The following PRR16 variants were observed in gnomAD, a reference collection of about 807,000 sequenced individuals.
PRR16 encodes the protein proline rich 16, also known as protein Largen.
In PRR16, 6 loss-of-function variants were observed where a neutral mutation model predicts 18.2. The ratio of observed to expected loss-of-function variants is 0.33; its 90% confidence interval spans 0.18 to 0.65. The LOEUF (loss-of-function observed/expected upper bound fraction) is 0.65, where lower values mean the gene tolerates loss of function less well. PRR16 is among the 30% of genes least tolerant of loss of function. The pLI, the probability that PRR16 is intolerant of heterozygous loss-of-function variation, is 0.74. For missense variants in PRR16, 412 were observed against 376.6 expected, an observed-to-expected ratio of 1.09 and a Z score of -0.78; for synonymous variants, 151 against 147.8, an observed-to-expected ratio of 1.02 and a Z score of -0.16.
intron 1 of PRR16, among the ~76,000 whole-genome samples, chr5:120,505,566 C>T (rs898803133): frequency 6.6e-6 from 1 of 152,074 alleles, no homozygotes; most frequent in African/African-American, 2.4e-5. Flanking sequence ...TCAGGCTATC[C>T]ATCACTGGAG....
intron 1 of PRR16, among the ~76,000 whole-genome samples, chr5:120,468,362 T>G (rs1254721202): frequency 6.6e-6 from 1 of 152,132 alleles, no homozygotes; most frequent in East Asian, 1.9e-4. Flanking sequence ...AAGGAAGATT[T>G]TGAATTCTTC....
chr5:120,552,873 A>G (rs1307014737), intron 1 of PRR16, among the ~76,000 whole-genome samples: 3 of 151,820 alleles, frequency 2.0e-5, no homozygotes, highest in African/African-American at 7.2e-5. Flanking sequence ...CATTCCCTGC[A>G]TGTTGATAGT....
In PRR16 at chr5:120,524,039, T is replaced by C. The variant is rs938279526; in HGVS notation, c.159+59394T>C. 2.6e-4 allele frequency among the ~76,000 whole-genome samples: 39 copies of C among 152,100 alleles called. 1 individual carries two copies. Among genetic ancestry groups the C allele is most frequent in the Non-Finnish European group, 1.5e-5 (1 of 68,002 alleles). ...AGCCAAACTAGAAAGAGAAAACTGC[T>C]CAGTTATATAACATTCATTGTTAGA... is the stretch of plus-strand genomic sequence containing the variant. On this transcript the variant is annotated intron_variant, in intron 1 of 1. Coordinates refer to ENST00000407149, the MANE Select transcript of PRR16 (RefSeq NM_001300783.2).
chr5:120,769,311 A>T, the PRR16 span, among the ~76,000 whole-genome samples: 2 of 151,806 alleles, frequency 1.3e-5, no homozygotes. Flanking sequence ...AGACGTATAC[A>T]ACACATGCCA....
rs184196365 is a variant in PRR16 at position 120,476,780 on chromosome 5, A to G, written c.159+12135A>G. On this transcript the variant is annotated intron_variant, in intron 1 of 1. Coordinates refer to ENST00000407149, the MANE Select transcript of PRR16 (RefSeq NM_001300783.2). ...AAGCCCTCTTCCCCTAAAAATTACT[A>G]TCTGATTTCTCAGTTCTTCTTTACA... is the stretch of plus-strand genomic sequence containing the variant. Among the ~76,000 whole-genome samples, 618 of 152,236 alleles carry G rather than the reference A, an allele frequency of 4.1e-3. 4 individuals carry two copies. Among genetic ancestry groups the G allele is most frequent in the South Asian group, 8.3e-3 (40 of 4,822 alleles).
chr5:120,752,628 T>C, the PRR16 span, among the ~76,000 whole-genome samples: 1 of 152,080 alleles, frequency 6.6e-6, no homozygotes, highest in Non-Finnish European at 1.5e-5. Flanking sequence ...TATTAACTTC[T>C]ATATTCCTAG....
the PRR16 span, among the ~76,000 whole-genome samples, chr5:120,793,216 G>A: frequency 6.6e-6 from 1 of 152,058 alleles, no homozygotes; most frequent in Admixed American, 6.6e-5. Flanking sequence ...AACCTTGTGG[G>A]ACCACCATTG....
At chr5:120,727,644 TAACA>T in the PRR16 span, among the ~76,000 whole-genome samples, 16 of 152,274 alleles carry the variant, frequency 1.1e-4, no homozygotes, top group Non-Finnish European at 1.5e-4. Context: ...GCAATGGATT[TAACA>T]AACAATGTGG....
intron 1 of PRR16, among the ~76,000 whole-genome samples, chr5:120,513,359 C>T (rs760530377): frequency 3.9e-5 from 6 of 152,182 alleles, no homozygotes; most frequent in Non-Finnish European, 5.9e-5. Flanking sequence ...TATCCTTTCA[C>T]TGAATTCCTG....
chr5:120,701,735 TAGAC>T, the PRR16 span, among the ~76,000 whole-genome samples: 2 of 151,864 alleles, frequency 1.3e-5, no homozygotes, highest in Non-Finnish European at 2.9e-5. Flanking sequence ...ACTGAGGGGA[TAGAC>T]AGGAGGGAAA....
the PRR16 span, among the ~76,000 whole-genome samples, chr5:120,739,507 C>T: frequency 6.6e-6 from 1 of 152,110 alleles, no homozygotes; most frequent in Non-Finnish European, 1.5e-5. Flanking sequence ...ATATAAAAAT[C>T]AGTCTTTTAG....
chr5:120,694,464 C>G, the PRR16 span, among the ~76,000 whole-genome samples: 1 of 152,008 alleles, frequency 6.6e-6, no homozygotes, highest in African/African-American at 2.4e-5. Flanking sequence ...GCGGGCGGAT[C>G]ACGAGGTCAG....
chr5:120,552,719 T>C (rs1580716833), intron 1 of PRR16, among the ~76,000 whole-genome samples: 1 of 152,044 alleles, frequency 6.6e-6, no homozygotes, highest in East Asian at 1.9e-4. Flanking sequence ...TTCCTGCAAT[T>C]TTCTAAGCTT....
At chr5:120,469,397 A>C (rs1421241694) in intron 1 of PRR16, among the ~76,000 whole-genome samples, 1 of 152,220 alleles carries the variant, frequency 6.6e-6, no homozygotes, top group Non-Finnish European at 1.5e-5. Context: ...ATCTTGGCTC[A>C]CTGCAGCCTC....
At chr5:120,468,589 G>C (rs1310797785) in intron 1 of PRR16, among the ~76,000 whole-genome samples, 3 of 152,152 alleles carry the variant, frequency 2.0e-5, no homozygotes, top group Non-Finnish European at 4.4e-5. Context: ...CAAAGCAATT[G>C]CTTTTTAAAA....
At chr5:120,526,731 A>T (rs150102092) in intron 1 of PRR16, among the ~76,000 whole-genome samples, 102 of 152,282 alleles carry the variant, frequency 6.7e-4, no homozygotes, top group Non-Finnish European at 1.3e-3. Flanking sequence ...AAGTAAAAAG[A>T]TGAAAGAATA....
At chr5:120,506,251 T>A (rs1410448241) in intron 1 of PRR16, among the ~76,000 whole-genome samples, 1 of 152,078 alleles carries the variant, frequency 6.6e-6, no homozygotes, top group African/African-American at 2.4e-5. Context: ...TAGGTATTCT[T>A]TATAACTTAT....
the PRR16 span, among the ~76,000 whole-genome samples, chr5:120,767,745 T>C: frequency 6.6e-6 from 1 of 151,682 alleles, no homozygotes; most frequent in Non-Finnish European, 1.5e-5. Context: ...GAAAGGCAAA[T>C]GAAAAAGCTA....
chr5:120,669,363 C>T (rs1440718338), intron 1 of PRR16, among the ~76,000 whole-genome samples: 1 of 151,988 alleles, frequency 6.6e-6, no homozygotes, highest in Admixed American at 6.6e-5. Context: ...ACACCTCCCC[C>T]ATTTAGTTTG....
Sources: allele counts gnomAD v4.1 joint callset (sites outside exome capture counted in the v4.1 genomes callset), GRCh38; gene constraint gnomAD v4.1.1; transcripts MANE v1.5; gene names NCBI Gene and HGNC (gene_info 2026-07-23, HGNC 2026-07-21).